Variants in FSTL5 observed in about 807,000 individuals in gnomAD.
FSTL5 encodes follistatin-related protein 5.
In FSTL5, 62 loss-of-function variants were observed where a neutral mutation model predicts 89.1. The ratio of observed to expected loss-of-function variants is 0.70; its 90% CI spans 0.57 to 0.86. FSTL5 has a LOEUF of 0.86. Among genes scored for constraint, FSTL5 ranks in the 40% least tolerant of loss-of-function variants. The probability of loss-of-function intolerance (pLI) is 0.00; values close to 1 mark genes in which losing one functional copy is unlikely to be tolerated. For missense variants in FSTL5, 1,057 were observed against 1,001.6 expected, an observed-to-expected ratio of 1.06 and a Z score of -0.75; for synonymous variants, 383 against 346.2, an observed-to-expected ratio of 1.11 and a Z score of -1.18.
intron 1 of FSTL5, among the ~76,000 whole-genome samples, chr4:162,152,972 T>C (rs1733288816): frequency 6.6e-6 from 1 of 152,166 alleles, no homozygotes; most frequent in African/African-American, 2.4e-5. Context: ...ATTACTTTTT[T>C]CATGATATGT....
intron 4 of FSTL5, among the ~76,000 whole-genome samples, chr4:161,910,965 C>T (rs76748841): frequency 0.025 from 3,856 of 152,162 alleles, 168 homozygotes; most frequent in African/African-American, 0.086. Context: ...CTGATAGCAA[C>T]TAAGTTGTTA....
At chr4:162,005,810 A>G (rs1218953197) in intron 3 of FSTL5, among the ~76,000 whole-genome samples, 1 of 152,156 alleles carries the variant, frequency 6.6e-6, no homozygotes, top group Non-Finnish European at 1.5e-5. Flanking sequence ...TGACGAAGGC[A>G]TAAACAGACT....
intron 10 of FSTL5, among the ~76,000 whole-genome samples, chr4:161,516,512 T>C (rs929849102): frequency 7.6e-5 from 11 of 143,832 alleles, no homozygotes; most frequent in Middle Eastern, 3.7e-3. Context: ...ATTATATATA[T>C]ACACACATAT....
At chr4:161,709,917 G>A (rs1043736543) in intron 6 of FSTL5, among the ~76,000 whole-genome samples, 5 of 152,174 alleles carry the variant, frequency 3.3e-5, no homozygotes, top group Admixed American at 2.0e-4. Flanking sequence ...TTTGGTGGCA[G>A]TAATAGCAAA....
chr4:161,804,200 G>T (rs558546506), intron 4 of FSTL5, among the ~76,000 whole-genome samples: 10 of 151,992 alleles, frequency 6.6e-5, no homozygotes, highest in South Asian at 2.1e-4. Context: ...AAGAGCTCTT[G>T]TGATTAGATT....
chr4:161,895,793 ATG>A (rs2110771508), intron 4 of FSTL5, among the ~76,000 whole-genome samples: 1 of 152,268 alleles, frequency 6.6e-6, no homozygotes, highest in Non-Finnish European at 1.5e-5. Flanking sequence ...GTATTTTTGC[ATG>A]TGTTAGTGAG....
intron 15 of FSTL5, among the ~76,000 whole-genome samples, chr4:161,435,726 A>T (rs988733316): frequency 3.3e-5 from 5 of 151,074 alleles, no homozygotes; most frequent in African/African-American, 7.3e-5. Flanking sequence ...CATATATATA[A>T]AAAACATATT....
chr4:161,775,975 C>T lies in FSTL5; in HGVS notation c.509G>A (p.Gly170Asp), dbSNP rs773608761. 11 of 1,603,274 alleles carry T rather than the reference C, an allele frequency of 6.9e-6. No individual in the cohort carries two copies. The Admixed American group carries it at 1.9e-4, about 27-fold the overall frequency. ...YIMQENENPN[G>D]DDISRKKLLV... is the part of the protein sequence containing the mutation. ...TAGCTTCTTCCGAGATATGTCGTCGCCATTAGGATTTTCATTTTCTTGCAT... is the reference window on the plus strand; with the variant it reads ...TAGCTTCTTCCGAGATATGTCGTCGTCATTAGGATTTTCATTTTCTTGCAT... Residue 170 changes from glycine to aspartate, a missense_variant, in exon 5 of 16, where the codon GGC (glycine) becomes GAC (aspartate). Gly to Asp is a moderately conservative substitution (Grantham distance 94). Transcript: ENST00000306100.
Position 161,857,604 on chromosome 4 carries a change from T to C in FSTL5, c.409+62800A>G, listed in dbSNP as rs542059844. ...ATCTCTGCAAGCCTACATGAGTAGA[T>C]TTTAACAAATTTATCTCTATTTTAA... On this transcript the variant is annotated intron_variant, in intron 4 of 15. Coordinates refer to ENST00000306100, the MANE Select transcript of FSTL5 (RefSeq NM_020116.5). Among the ~76,000 whole-genome samples, 3 of 152,276 alleles carry C rather than the reference T, an allele frequency of 2.0e-5. No homozygotes were observed. The East Asian group carries it at 5.8e-4, about 29-fold the overall frequency.
chr4:162,156,753 C>T (rs1191302654), intron 1 of FSTL5, among the ~76,000 whole-genome samples: 3 of 151,954 alleles, frequency 2.0e-5, no homozygotes, highest in South Asian at 2.1e-4. Context: ...AGTGGAGAGG[C>T]GGGAGGGAGG....
At chr4:161,857,963 C>T (rs1211121872) in intron 4 of FSTL5, among the ~76,000 whole-genome samples, 1 of 152,122 alleles carries the variant, frequency 6.6e-6, no homozygotes, top group East Asian at 1.9e-4. Context: ...TTCTGGGCAA[C>T]AATTTAAGTT....
At chr4:161,466,230 A>G (rs1733743474) in intron 13 of FSTL5, among the ~76,000 whole-genome samples, 1 of 152,200 alleles carries the variant, frequency 6.6e-6, no homozygotes, top group East Asian at 1.9e-4. Flanking sequence ...GTTGCTATCT[A>G]AACTCCCTCA....
chr4:161,608,172 AAAATG>A (rs1243899056), intron 7 of FSTL5, among the ~76,000 whole-genome samples: 3 of 152,260 alleles, frequency 2.0e-5, no homozygotes, highest in South Asian at 2.1e-4. Flanking sequence ...GACATTTTGG[AAAATG>A]CTGTGTAAAT....
intron 5 of FSTL5, among the ~76,000 whole-genome samples, chr4:161,760,713 G>A (rs779685395): frequency 2.0e-5 from 3 of 152,210 alleles, no homozygotes; most frequent in Non-Finnish European, 2.9e-5. Flanking sequence ...ACATCAGCTC[G>A]TGCATGTTAT....
At chr4:161,791,290 G>A (rs533827580) in intron 4 of FSTL5, among the ~76,000 whole-genome samples, 1 of 152,154 alleles carries the variant, frequency 6.6e-6, no homozygotes, top group African/African-American at 2.4e-5. Context: ...TACACACTAA[G>A]GAATAAACTT....
Position 161,829,847 on chromosome 4 carries a change from G to C in FSTL5, c.410-53773C>G, listed in dbSNP as rs1730788309. Among the ~76,000 whole-genome samples, 3 of 151,982 alleles carry C rather than the reference G, an allele frequency of 2.0e-5. No individual in the cohort carries two copies. In the South Asian group the frequency reaches 6.2e-4, roughly 32 times the overall value. ...AGAGCCAAAATCTCAGACACATCCT[G>C]CCAATTTTCCTTAAATGATTGTATG... On this transcript the variant is annotated intron_variant, in intron 4 of 15. Coordinates refer to ENST00000306100, the MANE Select transcript of FSTL5 (RefSeq NM_020116.5).
At chr4:161,587,884 T>C (rs1237616085) in intron 7 of FSTL5, among the ~76,000 whole-genome samples, 1 of 152,126 alleles carries the variant, frequency 6.6e-6, no homozygotes, top group Non-Finnish European at 1.5e-5. Flanking sequence ...ATTTTTAAGA[T>C]TAGAACAGGC....
At chr4:161,713,648 T>TCA (rs149521217) in intron 6 of FSTL5, among the ~76,000 whole-genome samples, 66 of 151,540 alleles carry the variant, frequency 4.4e-4, no homozygotes, top group African/African-American at 1.4e-3. Context: ...CCATTCAAAA[T>TCA]CACACACACA....
At chr4:161,476,933 T>C (rs965487318) in intron 13 of FSTL5, among the ~76,000 whole-genome samples, 8 of 152,182 alleles carry the variant, frequency 5.3e-5, no homozygotes, top group African/African-American at 1.9e-4. Context: ...GCATTCTGCA[T>C]GCAAGCTTCT....
Sources: gnomAD v4.1 joint callset for allele counts (sites outside exome capture counted in the v4.1 genomes callset) on GRCh38, gnomAD v4.1.1 for gene constraint, MANE v1.5 for transcripts, NCBI Gene and HGNC (gene_info 2026-07-23, HGNC 2026-07-21) for gene names.